WNT5A: variants seen among roughly 807,000 people sequenced by gnomAD.
WNT5A encodes the protein Wnt family member 5A.
A neutral mutation model predicts 42.1 loss-of-function variants in WNT5A; 9 were observed. The ratio of observed to expected loss-of-function variants is 0.21; its 90% CI spans 0.13 to 0.37. The LOEUF (loss-of-function observed/expected upper bound fraction) is 0.37, where lower values mean the gene tolerates loss of function less well. Ranked by LOEUF, WNT5A falls within the 10% of genes least tolerant of loss-of-function variation. The pLI, the probability that WNT5A is intolerant of heterozygous loss-of-function variation, is 1.00. For missense variants in WNT5A, 426 were observed against 534.0 expected, an observed-to-expected ratio of 0.80 and a Z score of 1.99; for synonymous variants, 210 against 210.0, an observed-to-expected ratio of 1.00 and a Z score of 0.00.
chr3:55,501,563 T>C, the WNT5A span: 1 of 152,218 alleles, frequency 6.6e-6, no homozygotes, highest in Non-Finnish European at 1.5e-5. Context: ...ATAAATGATC[T>C]TTGAATTGTA....
intron 1 of WNT5A, chr3:55,481,285 A>T (rs997687126): frequency 2.3e-5 from 23 of 995,104 alleles, no homozygotes; most frequent in Non-Finnish European, 2.7e-5. Flanking sequence ...CTCCTGGGTA[A>T]TTCACTCAGG....
the WNT5A span, among the ~76,000 whole-genome samples, chr3:55,499,011 C>T: frequency 6.6e-6 from 1 of 152,222 alleles, no homozygotes; most frequent in South Asian, 2.1e-4. Context: ...GGCCATTATC[C>T]TCCTTGTCTT....
chr3:55,483,911 G>A lies in WNT5A; in HGVS notation c.7-2993C>T, dbSNP rs2051518072. ...CGTTCGGAGGGCGCGGGGAGCAGCC[G>A]GATGCACACCTAAAGTCTCGCAACA... On this transcript the variant is annotated intron_variant, in intron 1 of 4. Coordinates refer to ENST00000264634, the MANE Select transcript of WNT5A (RefSeq NM_003392.7). This position sits in a 1 kb window ranked among gnomAD's most constrained non-coding sequence, Gnocchi z 4.2. Among the ~76,000 whole-genome samples the A allele has an allele frequency of 6.6e-6, 1 of 152,028 alleles. No homozygotes were observed. The highest frequency in any genetic ancestry group is 6.5e-5 in the Admixed American group (1 of 15,278).
At chr3:55,495,442 C>A (rs1163312326), upstream of WNT5A, among the ~76,000 whole-genome samples, 1 of 152,166 alleles carries the variant, frequency 6.6e-6, no homozygotes, top group African/African-American at 2.4e-5. Flanking sequence ...GCAGCATTTG[C>A]CTCTCTGTGC....
the WNT5A span, among the ~76,000 whole-genome samples, chr3:55,496,856 T>A: frequency 2.0e-5 from 3 of 152,244 alleles, no homozygotes; most frequent in Non-Finnish European, 4.4e-5. Flanking sequence ...TGGGACTGAA[T>A]TATAGCTACA....
At chr3:55,493,473 T>C (rs536083967), upstream of WNT5A, among the ~76,000 whole-genome samples, 1 of 152,370 alleles carries the variant, frequency 6.6e-6, no homozygotes, top group East Asian at 1.9e-4. Context: ...CTTTGTCTGA[T>C]TGTCTTATCC....
intron 4 of WNT5A, among the ~76,000 whole-genome samples, chr3:55,471,849 G>A (rs2051258355): frequency 2.6e-5 from 4 of 152,214 alleles, no homozygotes; most frequent in African/African-American, 7.2e-5. Flanking sequence ...AGCTGGGGGT[G>A]CATCAGAAGG....
intron 1 of WNT5A, chr3:55,481,142 C>T (rs1297531569): frequency 1.8e-5 from 12 of 677,232 alleles, no homozygotes; most frequent in African/African-American, 5.6e-5. Context: ...ATCCTGTGCG[C>T]GGGGCACGCC....
chr3:55,481,110 C>T, intron 1 of WNT5A, 192 bp from the exon 2 acceptor site: 6 of 709,578 alleles, frequency 8.5e-6, no homozygotes, highest in East Asian at 3.5e-5. Flanking sequence ...GCAACCTCAC[C>T]AGGAAATCTG....
upstream of WNT5A, among the ~76,000 whole-genome samples, chr3:55,493,570 A>AG (rs35573834): frequency 0.56 from 85,120 of 152,066 alleles, 24,863 homozygotes; most frequent in African/African-American, 0.73. Flanking sequence ...CAGGAGGGCA[A>AG]GACCTGGTTG....
In WNT5A at chr3:55,485,857, G is replaced by GT. The variant is rs758979270; in HGVS notation, c.6+1122dup. The stretch of plus-strand genomic sequence containing the variant: ...TCCAGACTTGAAGTTTTTTGTTGTT[G>GT]TTTTTTTTAACTTTTTGGGGGGAAG... On this transcript the variant is annotated intron_variant, in intron 1 of 4. Coordinates refer to ENST00000264634, the MANE Select transcript of WNT5A (RefSeq NM_003392.7). 2.4e-4 allele frequency among the ~76,000 whole-genome samples: 36 copies of GT among 151,882 alleles called. No homozygotes were observed. The South Asian group carries it at 3.3e-3, about 14-fold the overall frequency.
chr3:55,485,316 C>G (rs1256566784), intron 1 of WNT5A, among the ~76,000 whole-genome samples: 1 of 151,768 alleles, frequency 6.6e-6, no homozygotes, highest in Non-Finnish European at 1.5e-5. Context: ...GGGATGGCTC[C>G]GAGTTCTGCG....
At chr3:55,488,932 C>T (rs148235823), upstream of WNT5A, among the ~76,000 whole-genome samples, 27 of 152,288 alleles carry the variant, frequency 1.8e-4, no homozygotes, top group African/African-American at 5.5e-4. Context: ...AGGCGCTCAC[C>T]TCCTGCAAAG....
At position 55,470,076 on chromosome 3, in the gene WNT5A, T is replaced by A; in HGVS notation, c.*16A>T. The A allele has an allele frequency of 6.2e-7, 1 of 1,613,942 alleles. No individual in the cohort carries two copies. Among genetic ancestry groups the A allele is most frequent in the Non-Finnish European group, 8.5e-7 (1 of 1,179,866 alleles). ...AGCGGGTCCTGGGAGCGGGGCTGAG[T>A]GCTGGGTGGCACCCACTACTTGCAC... On this transcript the variant is annotated 3_prime_UTR_variant, in exon 5 of 5. Coordinates refer to ENST00000264634, the MANE Select transcript of WNT5A (RefSeq NM_003392.7).
At chr3:55,501,628 A>G in the WNT5A span, 2 of 152,244 alleles carry the variant, frequency 1.3e-5, no homozygotes, top group African/African-American at 4.8e-5. Context: ...CGTCAGTCAA[A>G]TACCCTTTAC....
At position 55,479,478 on chromosome 3, in the gene WNT5A, G is replaced by T; in HGVS notation, c.227C>A (p.Ser76Tyr). The T allele has an allele frequency of 6.2e-7, 1 of 1,613,986 alleles. No homozygotes were observed. The highest frequency in any genetic ancestry group is 1.1e-5 in the South Asian group (1 of 91,076). Residue 76 changes from serine (S) to tyrosine (Y), a missense_variant, in exon 3 of 5, where the codon TCT becomes TAT. This residue lies in a region of WNT5A where 358 missense variants were observed against 468.1 expected (regional missense o/e 0.76). Coordinates refer to ENST00000264634, the MANE Select transcript of WNT5A (RefSeq NM_003392.7). ...QPLCSQLAGLSQGQKKLCHLY... is the reference protein window; with the variant it reads ...QPLCSQLAGLYQGQKKLCHLY... ...GTGGCACAGTTTCTTCTGTCCTTGA[G>T]AAAGTCCTGCCAGTTGGCTGCAGAG...
At position 55,486,970 on chromosome 3, in the gene WNT5A, G is replaced by A. The variant is rs752370622; in HGVS notation, c.6+10C>T. 2 of 1,610,034 alleles carry A rather than the reference G, an allele frequency of 1.2e-6. No homozygotes were observed. Among genetic ancestry groups the A allele is most frequent in the Admixed American group, 3.3e-5 (2 of 59,942 alleles). On this transcript the variant is annotated intron_variant, in intron 1 of 4. Transcript: ENST00000264634. ...TAAAGAAAAAAAGTGGCAGCGCACT[G>A]AACACCTACCTTCATGGCGAGGGGG...
intron 1 of WNT5A, among the ~76,000 whole-genome samples, chr3:55,482,070 C>T (rs1226426109): frequency 1.3e-5 from 2 of 152,200 alleles, no homozygotes; most frequent in Non-Finnish European, 1.5e-5. Flanking sequence ...TCCAGCCCAA[C>T]TCAGACTTGG....
In WNT5A at chr3:55,483,835, G is replaced by A. The variant is rs951858334; in HGVS notation, c.7-2917C>T. 6.6e-6 allele frequency among the ~76,000 whole-genome samples: 1 copy of A among 152,164 alleles called. No homozygotes were observed. Among genetic ancestry groups the A allele is most frequent in the East Asian group, 1.9e-4 (1 of 5,190 alleles). ...TTACCAACCACGGTGCGGGCCAGGC[G>A]TGATGAGGGATGAGGGAGAGGAAAC... On this transcript the variant is annotated intron_variant, in intron 1 of 4. Transcript: ENST00000264634. The surrounding 1 kb of genome is among the most constrained non-coding windows in gnomAD (Gnocchi z 4.2).
Sources: allele counts gnomAD v4.1 joint callset (sites outside exome capture counted in the v4.1 genomes callset), GRCh38; gene constraint gnomAD v4.1.1; regional missense constraint gnomAD v4.1.1; non-coding constraint Gnocchi (gnomAD v3.1); transcripts MANE v1.5; gene names NCBI Gene and HGNC (gene_info 2026-07-23, HGNC 2026-07-21).